The following FERRY3 variants were observed in gnomAD, a reference collection of about 807,000 sequenced individuals.
FERRY3 encodes protein C12orf4.
chr12:4,499,598 A>G, the FERRY3 span, among the ~76,000 whole-genome samples: 53 of 152,374 alleles, frequency 3.5e-4, no homozygotes, highest in Non-Finnish European at 6.8e-4. Context: ...ATCATGCTAC[A>G]TCCTAATTGC....
At chr12:4,534,136 C>T in the FERRY3 span, 269 of 1,533,066 alleles carry the variant, frequency 1.8e-4, 1 homozygote, top group East Asian at 6.1e-3. Flanking sequence ...TTGAAATTTA[C>T]AATCTGACCT....
chr12:4,534,164 TAAGCTTTGGCCC>T, the FERRY3 span: 2 of 1,585,968 alleles, frequency 1.3e-6, no homozygotes, highest in Non-Finnish European at 1.7e-6. Context: ...TACCTCAGCA[TAAGCTTTGGCCC>T]ATGTACTCGC....
the FERRY3 span, among the ~76,000 whole-genome samples, chr12:4,492,313 T>A: frequency 2.0e-5 from 3 of 152,238 alleles, no homozygotes; most frequent in Admixed American, 6.5e-5. Flanking sequence ...TGGATTCTGA[T>A]ATCTGTCTCT....
the FERRY3 span, among the ~76,000 whole-genome samples, chr12:4,523,959 A>T: frequency 1.3e-5 from 2 of 151,696 alleles, no homozygotes; most frequent in Non-Finnish European, 2.9e-5. Flanking sequence ...AAAGTATAAT[A>T]AAAAAATTTA....
At chr12:4,494,224 A>T in the FERRY3 span, among the ~76,000 whole-genome samples, 3 of 152,132 alleles carry the variant, frequency 2.0e-5, no homozygotes, top group East Asian at 5.8e-4. Context: ...AACCTTTATA[A>T]ATTTAAAAAA....
the FERRY3 span, chr12:4,490,717 C>T: frequency 1.5e-6 from 1 of 680,376 alleles, no homozygotes; most frequent in Admixed American, 2.7e-5. Flanking sequence ...GCCATTTGCT[C>T]GTAGGATAGG....
At chr12:4,511,321 G>T in the FERRY3 span, among the ~76,000 whole-genome samples, 2 of 151,036 alleles carry the variant, frequency 1.3e-5, no homozygotes, top group Non-Finnish European at 2.9e-5. Context: ...GTCAACATTA[G>T]ACAGATCAAC....
At chr12:4,534,733 T>C in the FERRY3 span, among the ~76,000 whole-genome samples, 1 of 152,238 alleles carries the variant, frequency 6.6e-6, no homozygotes, top group Non-Finnish European at 1.5e-5. Context: ...GCTGATACTC[T>C]TAATAGAATC....
At chr12:4,531,233 T>C in the FERRY3 span, among the ~76,000 whole-genome samples, 2 of 152,224 alleles carry the variant, frequency 1.3e-5, no homozygotes, top group Non-Finnish European at 2.9e-5. Context: ...ACTCCAAAAC[T>C]GTTCTGATAA....
the FERRY3 span, chr12:4,533,992 C>T: frequency 1.6e-6 from 1 of 629,442 alleles, no homozygotes; most frequent in Non-Finnish European, 2.4e-6. Context: ...GTCTTATGTG[C>T]TCACCCTGAT....
chr12:4,532,085 A>ATTT, the FERRY3 span, among the ~76,000 whole-genome samples: 32 of 135,518 alleles, frequency 2.4e-4, no homozygotes, highest in African/African-American at 6.9e-4. Context: ...TAAATTGTGA[A>ATTT]TTTTTTTTTT....
chr12:4,509,933 G>A, the FERRY3 span, among the ~76,000 whole-genome samples: 8 of 139,740 alleles, frequency 5.7e-5, no homozygotes, highest in Admixed American at 5.5e-4. Flanking sequence ...GGCTTCAGAC[G>A]ATCAAATTAC....
the FERRY3 span, among the ~76,000 whole-genome samples, chr12:4,534,848 T>G: frequency 2.0e-5 from 3 of 152,212 alleles, no homozygotes; most frequent in East Asian, 3.8e-4. Flanking sequence ...AAGTCTTAAC[T>G]CTTACGTATT....
chr12:4,512,717 A>C, the FERRY3 span, among the ~76,000 whole-genome samples: 1 of 124,066 alleles, frequency 8.1e-6, no homozygotes, highest in African/African-American at 3.2e-5. Flanking sequence ...CTCTCAATAA[A>C]TTAGGTATTG....
the FERRY3 span, among the ~76,000 whole-genome samples, chr12:4,498,272 C>T: frequency 6.6e-6 from 1 of 152,186 alleles, no homozygotes; most frequent in African/African-American, 2.4e-5. Flanking sequence ...AGGAGTCCAG[C>T]TGCAGGAATG....
chr12:4,512,139 G>A, the FERRY3 span, among the ~76,000 whole-genome samples: 1 of 132,180 alleles, frequency 7.6e-6, no homozygotes, highest in Admixed American at 7.5e-5. Context: ...AGAAAATCTA[G>A]AAGAAATGGA....
chr12:4,515,099 A>AAAAT, the FERRY3 span, among the ~76,000 whole-genome samples: 1 of 152,134 alleles, frequency 6.6e-6, no homozygotes, highest in African/African-American at 2.4e-5. Flanking sequence ...AATAAAGAAT[A>AAAAT]AAATAAACTT....
the FERRY3 span, among the ~76,000 whole-genome samples, chr12:4,529,575 G>T: frequency 1.3e-3 from 196 of 152,234 alleles, 1 homozygote; most frequent in African/African-American, 3.8e-3. Flanking sequence ...TTTGCACAGT[G>T]CCTGGAACAA....
the FERRY3 span, among the ~76,000 whole-genome samples, chr12:4,531,223 A>G: frequency 1.3e-5 from 2 of 152,190 alleles, no homozygotes; most frequent in Admixed American, 1.3e-4. Flanking sequence ...TGCCTCTGAA[A>G]CTCCAAAACT....
Sources: allele counts gnomAD v4.1 joint callset (sites outside exome capture counted in the v4.1 genomes callset), GRCh38; gene constraint gnomAD v4.1.1; transcripts MANE v1.5; gene names NCBI Gene and HGNC (gene_info 2026-07-23, HGNC 2026-07-21).